NBAS: variants seen among roughly 807,000 people sequenced by gnomAD.
The protein encoded by NBAS is NBAS subunit of NRZ tethering complex, also known as NAG/BC035112 fusion.
NBAS carries 219 observed loss-of-function variants against 302.5 expected under a neutral mutation model. The ratio of observed to expected loss-of-function variants is 0.72; its 90% CI spans 0.65 to 0.81. The LOEUF (loss-of-function observed/expected upper bound fraction) is 0.81, where lower values mean the gene tolerates loss of function less well. NBAS is among the 30% of genes least tolerant of loss of function. NBAS has a pLI of 0.00. For synonymous variants in NBAS, 1,118 were observed against 1,021.6 expected (o/e 1.09, Z -1.80); for missense variants, 2,932 against 2,841.6 (o/e 1.03, Z -0.72).
chr2:14,922,819 A>G, the NBAS span, among the ~76,000 whole-genome samples: 1 of 152,224 alleles, frequency 6.6e-6, no homozygotes, highest in African/African-American at 2.4e-5. Flanking sequence ...ATTATAGCCA[A>G]GTTGGCCGCC....
chr2:14,889,854 T>C, the NBAS span, among the ~76,000 whole-genome samples: 1 of 152,202 alleles, frequency 6.6e-6, no homozygotes. Flanking sequence ...AAGTAGATGA[T>C]CAATGAATTT....
At chr2:15,446,854 T>G (rs1335354397) in intron 21 of NBAS, among the ~76,000 whole-genome samples, 2 of 146,474 alleles carry the variant, frequency 1.4e-5, no homozygotes, top group Non-Finnish European at 3.0e-5. Flanking sequence ...GTTAAAGAAG[T>G]CTACTATAAA....
the NBAS span, among the ~76,000 whole-genome samples, chr2:15,044,853 A>G: frequency 6.6e-6 from 1 of 152,232 alleles, no homozygotes; most frequent in African/African-American, 2.4e-5. Context: ...GATGATTCCC[A>G]TATAAAGACA....
the NBAS span, among the ~76,000 whole-genome samples, chr2:14,950,662 G>A: frequency 6.6e-6 from 1 of 152,156 alleles, no homozygotes; most frequent in East Asian, 1.9e-4. Flanking sequence ...TAGGCCCCAA[G>A]ATGATGGTAA....
chr2:14,975,689 C>A, the NBAS span, among the ~76,000 whole-genome samples: 3 of 152,194 alleles, frequency 2.0e-5, no homozygotes, highest in Non-Finnish European at 4.4e-5. Flanking sequence ...CAGCTTCCTG[C>A]AGCTTGAAGC....
At chr2:15,383,488 T>C (rs535493816) in intron 28 of NBAS, among the ~76,000 whole-genome samples, 171 bp from the exon 29 acceptor site, 23 of 152,110 alleles carry the variant, frequency 1.5e-4, no homozygotes, top group Admixed American at 1.5e-3. Context: ...AGGAAAACAC[T>C]TGGATTAAAG....
the NBAS span, among the ~76,000 whole-genome samples, chr2:15,084,665 C>A: frequency 6.7e-6 from 1 of 149,618 alleles, no homozygotes; most frequent in Non-Finnish European, 1.5e-5. Flanking sequence ...TGCTCACACT[C>A]TCACACACCA....
chr2:14,783,952 T>C, the NBAS span, among the ~76,000 whole-genome samples: 17 of 151,868 alleles, frequency 1.1e-4, no homozygotes, highest in African/African-American at 3.9e-4. Flanking sequence ...GTAAAAGTGT[T>C]CCTATTTCTC....
At chr2:15,416,732 G>C (rs563855450) in intron 24 of NBAS, among the ~76,000 whole-genome samples, 1 of 151,556 alleles carries the variant, frequency 6.6e-6, no homozygotes, top group African/African-American at 2.4e-5. Context: ...CTTGAACCCA[G>C]GAGATGGAGG....
chr2:14,966,605 G>C, the NBAS span, among the ~76,000 whole-genome samples: 4 of 152,130 alleles, frequency 2.6e-5, no homozygotes, highest in African/African-American at 9.7e-5. Context: ...CTTCAAACCT[G>C]TGTTACTCAA....
intron 12 of NBAS, among the ~76,000 whole-genome samples, chr2:15,485,748 T>C (rs955790080): frequency 2.0e-5 from 3 of 152,082 alleles, no homozygotes; most frequent in Non-Finnish European, 4.4e-5. Flanking sequence ...GTGTTTACAA[T>C]GGAATGAAGT....
chr2:15,256,830 T>A (rs1373910693), intron 44 of NBAS, among the ~76,000 whole-genome samples: 2 of 152,234 alleles, frequency 1.3e-5, no homozygotes, highest in Non-Finnish European at 2.9e-5. Flanking sequence ...GATTTTTGTT[T>A]TTAATTCTGT....
chr2:15,408,885 T>TA (rs1387652706), intron 25 of NBAS, among the ~76,000 whole-genome samples: 1 of 152,150 alleles, frequency 6.6e-6, no homozygotes, highest in Non-Finnish European at 1.5e-5. Context: ...GAAAAAGCAT[T>TA]AAGTAGCCAG....
chr2:15,364,173 T>A (rs1035832979), intron 32 of NBAS, among the ~76,000 whole-genome samples: 3 of 152,160 alleles, frequency 2.0e-5, no homozygotes, highest in Non-Finnish European at 4.4e-5. Flanking sequence ...AAGGTCTGTC[T>A]AACTGAGTCC....
chr2:14,867,630 C>T, the NBAS span, among the ~76,000 whole-genome samples: 22 of 152,248 alleles, frequency 1.4e-4, no homozygotes, highest in Admixed American at 7.2e-4. Context: ...GAACGGTTAT[C>T]ATTAATTAGA....
chr2:15,177,526 T>G (rs13417530), intron 51 of NBAS, among the ~76,000 whole-genome samples: 89,454 of 152,048 alleles, frequency 0.59, 28,767 homozygotes, highest in African/African-American at 0.83. Context: ...AGAGCTCCAT[T>G]TATGATGAAT....
At chr2:15,139,056 G>A in the NBAS span, among the ~76,000 whole-genome samples, 1 of 152,170 alleles carries the variant, frequency 6.6e-6, no homozygotes, top group Non-Finnish European at 1.5e-5. Flanking sequence ...TTCTGCTCCA[G>A]TGCCCTAGCA....
chr2:15,315,798 T>C (rs745320688), intron 38 of NBAS, among the ~76,000 whole-genome samples: 42 of 152,218 alleles, frequency 2.8e-4, no homozygotes, highest in African/African-American at 9.9e-4. Flanking sequence ...ATAATGTGCC[T>C]AGCCCAGGGC....
chr2:15,321,950 T>C (rs1179205755), intron 38 of NBAS, among the ~76,000 whole-genome samples: 4 of 152,238 alleles, frequency 2.6e-5, no homozygotes, highest in South Asian at 2.1e-4. Context: ...CGTATGTTTA[T>C]TGTGGCACTA....
Sources: gnomAD v4.1 joint callset for allele counts (sites outside exome capture counted in the v4.1 genomes callset) on GRCh38, gnomAD v4.1.1 for gene constraint, MANE v1.5 for transcripts, NCBI Gene and HGNC (gene_info 2026-07-23, HGNC 2026-07-21) for gene names.